Variants in PARN observed in about 807,000 individuals in gnomAD.
PARN encodes the protein poly(A)-specific ribonuclease.
In PARN, 71 loss-of-function variants were observed where a neutral mutation model predicts 102.8. The observed-to-expected ratio is 0.69, with a 90% CI of 0.57 to 0.84. The LOEUF (loss-of-function observed/expected upper bound fraction) is 0.84, where lower values mean the gene tolerates loss of function less well. Among genes scored for constraint, PARN ranks in the 40% least tolerant of loss-of-function variants. The pLI, the probability that PARN is intolerant of heterozygous loss-of-function variation, is 0.00. For missense variants in PARN, 782 were observed against 760.9 expected, an observed-to-expected ratio of 1.03 and a Z score of -0.33; for synonymous variants, 261 against 252.9, an observed-to-expected ratio of 1.03 and a Z score of -0.30.
chr16:14,569,553 GCA>G (rs1267747648), intron 18 of PARN, among the ~76,000 whole-genome samples: 2 of 152,196 alleles, frequency 1.3e-5, no homozygotes, highest in African/African-American at 4.8e-5. Context: ...CTGAGATGTT[GCA>G]CAGATACACA....
chr16:14,553,023 T>C lies in PARN; in HGVS notation c.1406-928A>G, dbSNP rs1567377231. Among the ~76,000 whole-genome samples the C allele has an allele frequency of 2.0e-5, 3 of 152,030 alleles. No individual in the cohort carries two copies. The South Asian group carries it at 6.2e-4, about 32-fold the overall frequency. On this transcript the variant is annotated intron_variant, in intron 20 of 23. Coordinates refer to ENST00000437198, the MANE Select transcript of PARN (RefSeq NM_002582.4). ...ATGCCTTAACGTTCGTTCTGACTTA[T>C]TTTAAATATTTACATGCAGAAATGG...
chr16:14,498,292 G>A (rs964334569), intron 21 of PARN, among the ~76,000 whole-genome samples: 12 of 152,242 alleles, frequency 7.9e-5, no homozygotes, highest in African/African-American at 2.9e-4. Flanking sequence ...GCCCCTGGGA[G>A]GGAGGGTGTC....
intron 21 of PARN, among the ~76,000 whole-genome samples, chr16:14,492,884 T>G (rs1964131463): frequency 2.0e-5 from 3 of 152,196 alleles, no homozygotes; most frequent in Admixed American, 1.3e-4. Flanking sequence ...CCTGCCTCCC[T>G]GGACTTCTCT....
rs556633252 is a variant in PARN at position 14,531,462 on chromosome 16, C to T, written c.1480+20559G>A. Among the ~76,000 whole-genome samples the T allele has an allele frequency of 2.6e-5, 4 of 152,188 alleles. No individual in the cohort carries two copies. In the South Asian group the frequency reaches 8.3e-4, roughly 32 times the overall value. On this transcript the variant is annotated intron_variant, in intron 21 of 23. Transcript: ENST00000437198. ...GAACTCTAAATTAGGAACTAAAGTGCACTGTCACTGATTCTTGGAAGCCAA... is the reference window on the plus strand; with the variant it reads ...GAACTCTAAATTAGGAACTAAAGTGTACTGTCACTGATTCTTGGAAGCCAA...
intron 18 of PARN, among the ~76,000 whole-genome samples, chr16:14,568,214 C>CTT (rs543071760): frequency 2.9e-5 from 4 of 139,476 alleles, no homozygotes; most frequent in Non-Finnish European, 3.1e-5. Context: ...TTATTTTTAC[C>CTT]TTTTTTTTTT....
At position 14,584,779 on chromosome 16, in the gene PARN, A is replaced by G; in HGVS notation, c.975T>C (p.Thr325=). The change falls in exon 15 of 24, where the codon ACT becomes ACC. Residue 325 remains threonine (T), a synonymous_variant. Transcript: ENST00000437198. ...AAGGTTGTGTGCTGGCCATCAATTTAGTATCCAAGAGTCTAAAAAGAATTT... is the reference window on the plus strand; with the variant it reads ...AAGGTTGTGTGCTGGCCATCAATTTGGTATCCAAGAGTCTAAAAAGAATTT... The part of the protein sequence containing the change: ...TTCVFPRLLD[T]KLMASTQPFK... The G allele has an allele frequency of 6.4e-7, 1 of 1,557,170 alleles. No individual in the cohort carries two copies.
intron 22 of PARN, among the ~76,000 whole-genome samples, chr16:14,477,325 C>T (rs1963111850): frequency 6.6e-6 from 1 of 151,622 alleles, no homozygotes; most frequent in Non-Finnish European, 1.5e-5. Context: ...CCTATAATCC[C>T]AGCTACTCGG....
In PARN at chr16:14,435,734, G is replaced by A. The variant is rs1169590553; in HGVS notation, c.*983C>T. On this transcript the variant is annotated 3_prime_UTR_variant, in exon 24 of 24. Coordinates refer to ENST00000437198, the MANE Select transcript of PARN (RefSeq NM_002582.4). ...AAATGTTTTTAATTTTCATCTTTTG[G>A]AAATACATTTTTCATTTTTATTTCC... The A allele has an allele frequency of 2.6e-5, 4 of 151,794 alleles. No homozygotes were observed. Among genetic ancestry groups the A allele is most frequent in the African/African-American group, 9.7e-5 (4 of 41,292 alleles). 9.4% of individuals were successfully genotyped at this position (151,794 alleles called of 1,614,324 possible).
intron 18 of PARN, among the ~76,000 whole-genome samples, chr16:14,568,371 C>T (rs1280968749): frequency 2.0e-5 from 3 of 151,430 alleles, no homozygotes; most frequent in Non-Finnish European, 4.4e-5. Context: ...CGCCACCATG[C>T]CCAGCTAATT....
At chr16:14,523,130 A>G (rs1965824603) in intron 21 of PARN, among the ~76,000 whole-genome samples, 1 of 152,032 alleles carries the variant, frequency 6.6e-6, no homozygotes, top group African/African-American at 2.4e-5. Context: ...TGAGTTCAGG[A>G]CAAAAAAACC....
intron 10 of PARN, among the ~76,000 whole-genome samples, chr16:14,604,536 C>T (rs1426450836): frequency 4.6e-5 from 7 of 152,162 alleles, no homozygotes; most frequent in Non-Finnish European, 1.0e-4. Flanking sequence ...GCTGGGATTA[C>T]AGGTGTGAGC....
At chr16:14,508,169 TAGGC>T (rs141732478) in intron 21 of PARN, among the ~76,000 whole-genome samples, 6 of 151,794 alleles carry the variant, frequency 4.0e-5, no homozygotes, top group Non-Finnish European at 5.9e-5. Flanking sequence ...ACAAATAACA[TAGGC>T]AGGCAGGCAG....
intron 22 of PARN, among the ~76,000 whole-genome samples, chr16:14,453,847 G>A (rs545375296): frequency 6.6e-6 from 1 of 151,968 alleles, no homozygotes; most frequent in African/African-American, 2.4e-5. Flanking sequence ...CCAACTATTT[G>A]TCATTACAAA....
At chr16:14,572,267 C>T (rs544430131) in intron 18 of PARN, among the ~76,000 whole-genome samples, 4 of 152,270 alleles carry the variant, frequency 2.6e-5, no homozygotes, top group South Asian at 2.1e-4. Flanking sequence ...TGGGCACGAA[C>T]GGCAGTTGTG....
chr16:14,584,562 T>C, intron 15 of PARN, 140 bp from the exon 16 acceptor site: 1 of 798,544 alleles, frequency 1.3e-6, no homozygotes, highest in Non-Finnish European at 2.0e-6. Context: ...GAAGTCTTCG[T>C]TTTTTTCAAT....
rs1249815231 is a variant in PARN, at chr16:14,436,713, T to C, written c.*4A>G. The C allele has an allele frequency of 6.3e-7, 1 of 1,598,630 alleles. No homozygotes were observed. Among genetic ancestry groups the C allele is most frequent in the Non-Finnish European group, 8.5e-7 (1 of 1,172,106 alleles). On this transcript the variant is annotated 3_prime_UTR_variant, in exon 24 of 24. Transcript: ENST00000437198. ...ACCAGCGGTTTGCTGCCCTCAGGTC[T>C]TGGTTACCATGTGTCAGGAACTTCA...
chr16:14,620,023 T>C (rs546511820), intron 5 of PARN, among the ~76,000 whole-genome samples: 3 of 132,716 alleles, frequency 2.3e-5, no homozygotes, highest in African/African-American at 8.8e-5. Context: ...TGAGCCGAGA[T>C]CATGCCACTG....
chr16:14,523,748 G>A (rs975070610), intron 21 of PARN, among the ~76,000 whole-genome samples: 1 of 152,166 alleles, frequency 6.6e-6, no homozygotes, highest in Non-Finnish European at 1.5e-5. Flanking sequence ...AGAAATGACA[G>A]AAGGATTAGG....
Position 14,552,953 on chromosome 16 carries a change from A to T in PARN, c.1406-858T>A, listed in dbSNP as rs899986634. ...ACAAGAACGAAACTCTGTCTCAAAAAAATAATAATAATAATAATAGTGTTA... is the reference window on the plus strand; with the variant it reads ...ACAAGAACGAAACTCTGTCTCAAAATAATAATAATAATAATAATAGTGTTA... On this transcript the variant is annotated intron_variant, in intron 20 of 23. Transcript: ENST00000437198. 1.4e-4 allele frequency among the ~76,000 whole-genome samples: 22 copies of T among 151,976 alleles called. 1 individual carries two copies. The highest frequency in any genetic ancestry group is 6.2e-4 in the South Asian group (3 of 4,806).
Sources: allele counts gnomAD v4.1 joint callset (sites outside exome capture counted in the v4.1 genomes callset), GRCh38; gene constraint gnomAD v4.1.1; transcripts MANE v1.5; gene names NCBI Gene and HGNC (gene_info 2026-07-23, HGNC 2026-07-21).